The following ELP4 variants were observed in gnomAD, a reference collection of about 807,000 sequenced individuals.
ELP4 encodes the protein elongator complex protein 4.
In ELP4, 51 loss-of-function variants were observed where a neutral mutation model predicts 48.9. The ratio of observed to expected loss-of-function variants is 1.04; its 90% confidence interval spans 0.83 to 1.32. ELP4 has a LOEUF of 1.32. ELP4 is among the 40% of genes most tolerant of loss of function. ELP4 has a pLI of 0.00. For missense variants in ELP4, 519 were observed against 514.6 expected (o/e 1.01, Z -0.08); for synonymous variants, 210 against 189.2 (o/e 1.11, Z -0.90).
intron 3 of ELP4, among the ~76,000 whole-genome samples, chr11:31,565,807 T>C (rs1212728717): frequency 2.0e-5 from 3 of 152,194 alleles, no homozygotes; most frequent in Non-Finnish European, 4.4e-5. Flanking sequence ...TCAGGTAGCA[T>C]GATGCCTGCA....
At chr11:31,736,932 A>G (rs1165109906) in intron 9 of ELP4, among the ~76,000 whole-genome samples, 1 of 152,228 alleles carries the variant, frequency 6.6e-6, no homozygotes, top group African/African-American at 2.4e-5. Context: ...ATCTAGAACT[A>G]GAAATACCAT....
At chr11:31,676,888 T>G (rs1565107189) in intron 9 of ELP4, among the ~76,000 whole-genome samples, 1 of 152,228 alleles carries the variant, frequency 6.6e-6, no homozygotes, top group Non-Finnish European at 1.5e-5. Context: ...TTTCATTCAA[T>G]TATCAATATT....
At chr11:31,758,636 T>C (rs889209805) in intron 9 of ELP4, among the ~76,000 whole-genome samples, 1 of 152,014 alleles carries the variant, frequency 6.6e-6, no homozygotes, top group African/African-American at 2.4e-5. Flanking sequence ...AAATAAATTC[T>C]GTTGTTAATG....
intron 7 of ELP4, among the ~76,000 whole-genome samples, chr11:31,641,112 T>G (rs1364063093): frequency 6.6e-6 from 1 of 151,972 alleles, no homozygotes; most frequent in Non-Finnish European, 1.5e-5. Flanking sequence ...AGCAAACTTT[T>G]TGTGTCAACA....
chr11:31,646,676 T>G (rs1945204295), intron 7 of ELP4: 1 of 151,752 alleles, frequency 6.6e-6, no homozygotes, highest in African/African-American at 2.4e-5. Flanking sequence ...TCTTCAAAGA[T>G]TAGTTTTAAA....
intron 6 of ELP4, among the ~76,000 whole-genome samples, chr11:31,628,576 A>AT (rs924311800): frequency 7.3e-5 from 11 of 150,898 alleles, no homozygotes; most frequent in South Asian, 6.3e-4. Context: ...TCAAAAAACA[A>AT]TTTTTTTTTC....
At position 31,786,534 on chromosome 11, in the gene ELP4, A is replaced by G. The variant is rs1948640989; in HGVS notation, c.*3010A>G. On this transcript the variant is annotated 3_prime_UTR_variant, in exon 10 of 10. Coordinates refer to ENST00000640961, the MANE Select transcript of ELP4 (RefSeq NM_019040.5). The stretch of plus-strand genomic sequence containing the variant: ...TTGGTGAGCCAAACATACAGAGAAG[A>G]AAAGGCTTTTTAAAATCTTACTAGT... 1.8e-5 allele frequency: 4 copies of G among 225,182 alleles called. No individual in the cohort carries two copies. The East Asian group carries it at 2.6e-4, about 15-fold the overall frequency. The allele number at this position is 225,182 out of a possible 1,614,324, so 13.9% of individuals were successfully genotyped here.
chr11:31,562,693 A>T lies in ELP4; in HGVS notation c.381+22910A>T, dbSNP rs534227090. ...CAAGAAAAATATCTTAAATTTCACT[A>T]AGATATTATCTGATCTGTATGGAAT... On this transcript the variant is annotated intron_variant, in intron 3 of 9. Transcript: ENST00000640961. Among the ~76,000 whole-genome samples the T allele has an allele frequency of 2.0e-5, 3 of 152,294 alleles. No homozygotes were observed. In the South Asian group the frequency reaches 6.2e-4, roughly 32 times the overall value.
intron 7 of ELP4, among the ~76,000 whole-genome samples, chr11:31,644,988 CAATT>C (rs1945172606): frequency 1.3e-5 from 2 of 151,830 alleles, no homozygotes; most frequent in Non-Finnish European, 2.9e-5. Flanking sequence ...ACAACTTTCA[CAATT>C]AATCTGGTCT....
rs145414483 is a variant in ELP4 at position 31,620,416 on chromosome 11, A to G, written c.654-6694A>G. On this transcript the variant is annotated intron_variant, in intron 5 of 9. Transcript: ENST00000640961. ...TCTCAGCAGGGTCAAATGATTGCCT[A>G]TGGGTACTAGGTGGAAAGAAAGTAG... Among the ~76,000 whole-genome samples the G allele has an allele frequency of 7.8e-4, 119 of 152,104 alleles. 1 individual carries two copies. Among genetic ancestry groups the G allele is most frequent in the African/African-American group, 2.5e-3 (105 of 41,544 alleles).
chr11:31,750,065 C>T (rs955176987), intron 9 of ELP4, among the ~76,000 whole-genome samples: 1 of 151,762 alleles, frequency 6.6e-6, no homozygotes, highest in East Asian at 1.9e-4. Context: ...GGGGTTTCAC[C>T]GTGTTAGCCA....
At chr11:31,756,854 A>T (rs1158067742) in intron 9 of ELP4, among the ~76,000 whole-genome samples, 2 of 152,222 alleles carry the variant, frequency 1.3e-5, no homozygotes, top group Non-Finnish European at 2.9e-5. Context: ...AAACATAAAT[A>T]TCCATTAACT....
rs1163187089 is a variant in ELP4 at position 31,783,916 on chromosome 11, GA to G, written c.*395del. 1.3e-5 allele frequency: 2 copies of G among 154,172 alleles called. No homozygotes were observed. Among genetic ancestry groups the G allele is most frequent in the African/African-American group, 4.8e-5 (2 of 41,488 alleles). 9.6% of individuals were successfully genotyped at this position (154,172 alleles called of 1,614,324 possible). On this transcript the variant is annotated 3_prime_UTR_variant, in exon 10 of 10. Coordinates refer to ENST00000640961, the MANE Select transcript of ELP4 (RefSeq NM_019040.5). ...GAAAACATACTTTCTCTTTATTACA[GA>G]AACAGTCACTTGCCACCAAAAATGC...
chr11:31,668,723 A>T (rs1054998634), intron 9 of ELP4, among the ~76,000 whole-genome samples: 56 of 33,274 alleles, frequency 1.7e-3, no homozygotes, highest in African/African-American at 3.2e-3. Context: ...TGTGTGTGTA[A>T]GAACCCTGTA....
chr11:31,728,018 T>G (rs1439304460), intron 9 of ELP4: 1 of 152,102 alleles, frequency 6.6e-6, no homozygotes, highest in Non-Finnish European at 1.5e-5. Flanking sequence ...TTACTTTACA[T>G]CAAGCATGAA....
At chr11:31,576,636 C>T (rs980469745) in intron 3 of ELP4, among the ~76,000 whole-genome samples, 7 of 152,174 alleles carry the variant, frequency 4.6e-5, no homozygotes, top group Non-Finnish European at 8.8e-5. Context: ...GATTAAGACA[C>T]TCACTCAAAA....
At chr11:31,524,935 G>A (rs1270150384) in intron 2 of ELP4, among the ~76,000 whole-genome samples, 2 of 152,154 alleles carry the variant, frequency 1.3e-5, no homozygotes, top group Admixed American at 1.3e-4. Context: ...CAGTGATCAT[G>A]CCACTGGACT....
At chr11:31,662,414 A>C (rs1377748134) in intron 9 of ELP4, 9 of 393,876 alleles carry the variant, frequency 2.3e-5, no homozygotes, top group Non-Finnish European at 2.7e-5. Context: ...TGTGATTAGC[A>C]AACTATGGCC....
intron 9 of ELP4, among the ~76,000 whole-genome samples, chr11:31,768,341 G>T (rs1948080386): frequency 6.6e-6 from 1 of 152,164 alleles, no homozygotes; most frequent in Admixed American, 6.5e-5. Context: ...CTGCCTAGGA[G>T]AGTGCACCTC....
Sources: allele counts gnomAD v4.1 joint callset (sites outside exome capture counted in the v4.1 genomes callset), GRCh38; gene constraint gnomAD v4.1.1; transcripts MANE v1.5; gene names NCBI Gene and HGNC (gene_info 2026-07-23, HGNC 2026-07-21).